Variants in TTLL5 observed in about 807,000 individuals in gnomAD.
The protein encoded by TTLL5 is tubulin tyrosine ligase like 5.
A neutral mutation model predicts 168.4 loss-of-function variants in TTLL5; 132 were observed. The observed-to-expected ratio is 0.78, with a 90% confidence interval of 0.68 to 0.91. TTLL5 has a LOEUF of 0.91. Among genes scored for constraint, TTLL5 ranks in the 40% least tolerant of loss-of-function variants. The pLI is 0.00. For missense variants in TTLL5, 1,545 were observed against 1,581.5 expected (o/e 0.98, Z 0.39); for synonymous variants, 546 against 558.6 (o/e 0.98, Z 0.32).
At chr14:75,728,714 A>T (rs1244548265) in intron 12 of TTLL5, among the ~76,000 whole-genome samples, 1 of 152,174 alleles carries the variant, frequency 6.6e-6, no homozygotes, top group Non-Finnish European at 1.5e-5. Context: ...TGTGGCCATG[A>T]GAATACCTGA....
intron 28 of TTLL5, among the ~76,000 whole-genome samples, chr14:75,855,353 G>T (rs1049489492): frequency 2.0e-5 from 3 of 152,164 alleles, no homozygotes; most frequent in Non-Finnish European, 2.9e-5. Context: ...GGCACTGGAG[G>T]GTGAACAAAA....
chr14:75,940,156 TG>T (rs1479457852), intron 31 of TTLL5, among the ~76,000 whole-genome samples: 1 of 141,470 alleles, frequency 7.1e-6, no homozygotes, highest in African/African-American at 2.6e-5. Flanking sequence ...CTCAGCTCAC[TG>T]CAAGCTCCGC....
intron 31 of TTLL5, among the ~76,000 whole-genome samples, chr14:75,914,749 G>T (rs1293115725): frequency 2.0e-5 from 3 of 150,702 alleles, no homozygotes; most frequent in Non-Finnish European, 4.4e-5. Context: ...TCAGCCTCCT[G>T]AGTAGCTGGG....
intron 30 of TTLL5, chr14:75,887,255 A>G (rs994392133): frequency 2.0e-6 from 2 of 986,604 alleles, no homozygotes; most frequent in Non-Finnish European, 2.4e-6. Flanking sequence ...AAAGATGTTT[A>G]AGAGATTAAT....
chr14:75,755,910 A>C (rs1328568116), intron 18 of TTLL5, among the ~76,000 whole-genome samples: 3 of 152,068 alleles, frequency 2.0e-5, no homozygotes, highest in Non-Finnish European at 4.4e-5. Context: ...CTGTTCTGGC[A>C]AACAGTATCT....
chr14:75,844,740 A>G (rs1011234223), intron 28 of TTLL5, among the ~76,000 whole-genome samples: 3 of 152,184 alleles, frequency 2.0e-5, no homozygotes, highest in Non-Finnish European at 2.9e-5. Flanking sequence ...TGGTCACTCT[A>G]AGCCACACTC....
At chr14:75,717,209 G>A (rs1018770945) in intron 9 of TTLL5, among the ~76,000 whole-genome samples, 3 of 151,964 alleles carry the variant, frequency 2.0e-5, no homozygotes, top group African/African-American at 7.3e-5. Flanking sequence ...CTGTCTCCTG[G>A]GCTCAAGCAG....
At chr14:75,940,423 A>G (rs1228819763) in intron 31 of TTLL5, among the ~76,000 whole-genome samples, 1 of 152,198 alleles carries the variant, frequency 6.6e-6, no homozygotes, top group African/African-American at 2.4e-5. Flanking sequence ...TTCATAAAAG[A>G]AACTCTCCTT....
intron 28 of TTLL5, among the ~76,000 whole-genome samples, chr14:75,833,452 T>C (rs1036791598): frequency 1.3e-5 from 2 of 152,216 alleles, no homozygotes; most frequent in African/African-American, 4.8e-5. Flanking sequence ...GTAAGTGTTA[T>C]GACCTAATGT....
At chr14:75,888,393 G>T (rs574770573) in intron 30 of TTLL5, among the ~76,000 whole-genome samples, 17 of 152,258 alleles carry the variant, frequency 1.1e-4, no homozygotes, top group African/African-American at 4.1e-4. Context: ...AATGGTTGTC[G>T]AAATGGTAAT....
At chr14:75,726,452 A>G (rs1199966907) in intron 12 of TTLL5, among the ~76,000 whole-genome samples, 1 of 152,052 alleles carries the variant, frequency 6.6e-6, no homozygotes, top group Non-Finnish European at 1.5e-5. Flanking sequence ...CCTATGTGCT[A>G]GTTATGGTGC....
At chr14:75,916,315 A>T (rs1000300914) in intron 31 of TTLL5, among the ~76,000 whole-genome samples, 1 of 152,120 alleles carries the variant, frequency 6.6e-6, no homozygotes, top group African/African-American at 2.4e-5. Context: ...AGCTACTATG[A>T]AAAACACTAT....
chr14:75,863,679 AG>A lies in TTLL5; in HGVS notation c.3344del (p.Gly1115AspfsTer8). The A allele has an allele frequency of 1.2e-6, 2 of 1,609,978 alleles. No individual in the cohort carries two copies. The highest frequency in any genetic ancestry group is 1.7e-6 in the Non-Finnish European group (2 of 1,178,058). On this transcript the variant is annotated frameshift_variant, in exon 29 of 32. Transcript: ENST00000298832. LOFTEE classifies it high-confidence loss of function. ...SSPGSRSLQT[G>X]GFAWEGEVEN... ...CTTTTCTCTTCAGGAGCCTGCAGAC[AG>A]GGGGATTTGCCTGGGAAGGAGAAGT...
At chr14:75,743,372 G>A (rs1211556542) in intron 15 of TTLL5, among the ~76,000 whole-genome samples, 4 of 152,122 alleles carry the variant, frequency 2.6e-5, no homozygotes, top group Admixed American at 2.6e-4. Flanking sequence ...CATAGGCTGG[G>A]TGGCTTAAAC....
intron 31 of TTLL5, 36 bp from the exon 32 acceptor site, chr14:75,954,388 T>C: frequency 1.9e-6 from 3 of 1,612,224 alleles, no homozygotes; most frequent in Non-Finnish European, 2.5e-6. Context: ...CATGCTGTCA[T>C]TTCATTCATT....
Position 75,859,096 on chromosome 14 carries a change from C to T in TTLL5, c.3327-4571C>T, listed in dbSNP as rs1363706197. Among the ~76,000 whole-genome samples the T allele has an allele frequency of 5.9e-5, 9 of 152,250 alleles. 1 individual carries two copies. In the East Asian group the frequency reaches 1.4e-3, roughly 23 times the overall value. On this transcript the variant is annotated intron_variant, in intron 28 of 31. Transcript: ENST00000298832. ...GGTGGAGGAGGCTGGGAAGATGGAC[C>T]GTGGAATCACCCTCTATACAAGTGT...
At chr14:75,869,587 T>C (rs943678375) in intron 29 of TTLL5, among the ~76,000 whole-genome samples, 6 of 152,132 alleles carry the variant, frequency 3.9e-5, no homozygotes, top group African/African-American at 1.4e-4. Flanking sequence ...TGCCCTCTTA[T>C]TAGCCTCATT....
At chr14:75,705,804 T>C (rs186113813) in intron 7 of TTLL5, among the ~76,000 whole-genome samples, 1 of 152,208 alleles carries the variant, frequency 6.6e-6, no homozygotes, top group Non-Finnish European at 1.5e-5. Flanking sequence ...GGAGCCCTTT[T>C]GTCCTACATG....
chr14:75,709,132 C>A, intron 9 of TTLL5: 2 of 737,764 alleles, frequency 2.7e-6, no homozygotes, highest in South Asian at 2.8e-5. Context: ...TGTGAGTGGT[C>A]ACGACAAGCT....
Sources: gnomAD v4.1 joint callset for allele counts (sites outside exome capture counted in the v4.1 genomes callset) on GRCh38, gnomAD v4.1.1 for gene constraint, MANE v1.5 for transcripts, NCBI Gene and HGNC (gene_info 2026-07-23, HGNC 2026-07-21) for gene names.